MCPH1: variants seen among roughly 807,000 people sequenced by gnomAD.
The protein encoded by MCPH1 is microcephalin.
In MCPH1, 104 loss-of-function variants were observed where a neutral mutation model predicts 84.5. That is an observed-to-expected ratio of 1.23 (90% CI 1.05 to 1.45). The LOEUF is 1.45. MCPH1 is among the 40% of genes most tolerant of loss of function. The pLI is 0.00. For missense variants in MCPH1, 1,498 were observed against 1,005.7 expected, an observed-to-expected ratio of 1.49 and a Z score of -6.62; for synonymous variants, 514 against 366.8, an observed-to-expected ratio of 1.40 and a Z score of -4.58.
At chr8:6,447,168 C>T (rs1003848946) in intron 8 of MCPH1, 1 of 985,284 alleles carries the variant, frequency 1.0e-6, no homozygotes, top group African/African-American at 1.7e-5. Flanking sequence ...AAATCGAACC[C>T]TTTTATAGTA....
intron 9 of MCPH1, 85 bp downstream of exon 9, chr8:6,455,337 T>G (rs1384351620): frequency 1.0e-6 from 1 of 962,094 alleles, no homozygotes; most frequent in Non-Finnish European, 1.7e-6. Flanking sequence ...CATAAACCAG[T>G]CTATCTGACT....
intron 3 of MCPH1, among the ~76,000 whole-genome samples, chr8:6,419,566 T>C (rs1177888092): frequency 6.6e-6 from 1 of 151,610 alleles, no homozygotes; most frequent in Non-Finnish European, 1.5e-5. Context: ...CTAATTTTTT[T>C]TTTTTTTTTG....
At position 6,409,289 on chromosome 8, in the gene MCPH1, C is replaced by T. The variant is rs1798205534; in HGVS notation, c.33C>T (p.Ala11=). The change falls in exon 2 of 14, where the codon GCC becomes GCT. Residue 11 remains alanine, a synonymous_variant. Transcript: ENST00000344683. MAAPILKDVV[A]YVEVWSSNGT... ...ATATCTTGTTTTCAGATGTAGTGGC[C>T]TATGTTGAAGTGTGGTCATCCAATG... 1.2e-6 allele frequency: 2 copies of T among 1,612,892 alleles called. No individual in the cohort carries two copies. Among genetic ancestry groups the T allele is most frequent in the South Asian group, 1.1e-5 (1 of 91,066 alleles).
intron 12 of MCPH1, among the ~76,000 whole-genome samples, chr8:6,595,091 C>T (rs1413596086): frequency 1.3e-5 from 2 of 152,186 alleles, no homozygotes; most frequent in African/African-American, 4.8e-5. Context: ...GCACAAATCA[C>T]TTTGTCTTTG....
intron 12 of MCPH1, chr8:6,618,761 A>C (rs900077126): frequency 3.9e-5 from 6 of 152,218 alleles, no homozygotes; most frequent in African/African-American, 1.4e-4. Context: ...TTAACAAAAA[A>C]GTCACTTAAA....
intron 8 of MCPH1, among the ~76,000 whole-genome samples, chr8:6,454,363 C>G (rs1258052569): frequency 3.3e-5 from 5 of 152,194 alleles, no homozygotes; most frequent in African/African-American, 1.2e-4. Flanking sequence ...TGCTACATAA[C>G]TTTTGCGTCA....
chr8:6,470,386 C>G (rs1262833786), intron 9 of MCPH1, among the ~76,000 whole-genome samples: 2 of 152,086 alleles, frequency 1.3e-5, no homozygotes, highest in South Asian at 4.1e-4. Context: ...CGGGTTCAAG[C>G]GATTCTCCTA....
intron 12 of MCPH1, chr8:6,532,564 T>G: frequency 9.5e-6 from 8 of 841,224 alleles, no homozygotes; most frequent in Non-Finnish European, 1.3e-5. Context: ...TGTCGTCTCC[T>G]CCCTATCTTT....
At chr8:6,527,540 T>A (rs1053423875) in intron 12 of MCPH1, 1 of 1,611,582 alleles carries the variant, frequency 6.2e-7, no homozygotes, top group Admixed American at 1.7e-5. Context: ...ATAAATGTTT[T>A]AGTACTGTTA....
chr8:6,589,803 A>G (rs952009085), intron 12 of MCPH1, among the ~76,000 whole-genome samples: 1 of 152,230 alleles, frequency 6.6e-6, no homozygotes, highest in African/African-American at 2.4e-5. Context: ...TTATATAGTC[A>G]TGGGAATGCT....
chr8:6,439,253 C>T lies in MCPH1; in HGVS notation c.580+157C>T, dbSNP rs41313950. ...GCTTTGTTTTCCAGAAAATCTTATG[C>T]ATCATTAAGATTTTTGAAGCATATG... On this transcript the variant is annotated intron_variant, in intron 6 of 13. Coordinates refer to ENST00000344683, the MANE Select transcript of MCPH1 (RefSeq NM_024596.5). Among the ~76,000 whole-genome samples the T allele has an allele frequency of 1.8e-3, 275 of 152,016 alleles. 1 individual carries two copies. The highest frequency in any genetic ancestry group is 3.3e-3 in the Non-Finnish European group (221 of 67,982).
rs1158824143 is a variant in MCPH1, at chr8:6,522,996, G to GT, written c.2214+23078dup. 9.9e-3 allele frequency among the ~76,000 whole-genome samples: 1,449 copies of GT among 146,986 alleles called. 25 individuals are homozygous for GT. Among genetic ancestry groups the GT allele is most frequent in the African/African-American group, 0.032 (1,293 of 40,272 alleles). On this transcript the variant is annotated intron_variant, in intron 12 of 13. Transcript: ENST00000344683. ...AATATGTGAGCCAAGCCCTTGAAAA[G>GT]TTTTTTTTTTTCTTTTTTTGAGATG...
chr8:6,416,162 G>C (rs936943632), intron 3 of MCPH1, among the ~76,000 whole-genome samples: 14 of 152,144 alleles, frequency 9.2e-5, no homozygotes, highest in Non-Finnish European at 1.3e-4. Flanking sequence ...TGCTTAACTT[G>C]TTTATTAGTT....
At chr8:6,626,171 C>T in intron 13 of MCPH1, 2 of 985,372 alleles carry the variant, frequency 2.0e-6, no homozygotes, top group Non-Finnish European at 2.4e-6. Context: ...TGAGGTGACC[C>T]TCAGCTCGCC....
intron 3 of MCPH1, among the ~76,000 whole-genome samples, chr8:6,423,416 C>A (rs1011383660): frequency 2.0e-5 from 3 of 151,278 alleles, no homozygotes; most frequent in Admixed American, 6.6e-5. Context: ...CCGCCCGCCT[C>A]GGCCTCCCAA....
At chr8:6,423,241 G>C (rs1454304382) in intron 3 of MCPH1, among the ~76,000 whole-genome samples, 1 of 142,228 alleles carries the variant, frequency 7.0e-6, no homozygotes, top group Non-Finnish European at 1.5e-5. Context: ...CCAGGCTGGA[G>C]TGCAGTGGTG....
intron 12 of MCPH1, among the ~76,000 whole-genome samples, chr8:6,614,428 T>C (rs1260364707): frequency 4.6e-5 from 7 of 152,146 alleles, no homozygotes; most frequent in Non-Finnish European, 1.0e-4. Flanking sequence ...CTTAATCAAA[T>C]CTTACCACAA....
intron 12 of MCPH1, among the ~76,000 whole-genome samples, chr8:6,520,689 C>T (rs2442619): frequency 0.071 from 10,773 of 152,224 alleles, 462 homozygotes; most frequent in African/African-American, 0.11. Flanking sequence ...ATCCACCACA[C>T]CTGGCCCTTC....
chr8:6,436,396 G>A (rs1183642903), intron 5 of MCPH1, among the ~76,000 whole-genome samples: 2 of 152,146 alleles, frequency 1.3e-5, no homozygotes, highest in African/African-American at 4.8e-5. Flanking sequence ...CAAGGTGGTC[G>A]AACTTTTTAT....
Sources: allele counts gnomAD v4.1 joint callset (sites outside exome capture counted in the v4.1 genomes callset), GRCh38; gene constraint gnomAD v4.1.1; transcripts MANE v1.5; gene names NCBI Gene and HGNC (gene_info 2026-07-23, HGNC 2026-07-21).